The following TXNDC16 variants were observed in gnomAD, a reference collection of about 807,000 sequenced individuals.
TXNDC16 encodes thioredoxin domain containing 16.
Under a neutral mutation model 85.6 loss-of-function variants are expected in TXNDC16, and 74 were observed. That is an observed-to-expected ratio of 0.86 (90% CI 0.72 to 1.05). TXNDC16 has a LOEUF of 1.05. Ranked by LOEUF, TXNDC16 falls within the 50% of genes least tolerant of loss-of-function variation. TXNDC16 has a pLI of 0.00. For synonymous variants in TXNDC16, 335 were observed against 326.5 expected, an observed-to-expected ratio of 1.03 and a Z score of -0.28; for missense variants, 959 against 947.0, an observed-to-expected ratio of 1.01 and a Z score of -0.17.
intron 7 of TXNDC16, among the ~76,000 whole-genome samples, chr14:52,518,027 C>G (rs2037125472): frequency 2.0e-5 from 3 of 152,166 alleles, no homozygotes; most frequent in Admixed American, 2.0e-4. Context: ...GACGTTAAAT[C>G]AACCTTTCAG....
rs146313638 is a variant in TXNDC16 at position 52,492,100 on chromosome 14, G to GA, written c.757-1096dup. Among the ~76,000 whole-genome samples, 581 of 152,170 alleles carry GA rather than the reference G, an allele frequency of 3.8e-3. 1 individual carries two copies. Among genetic ancestry groups the GA allele is most frequent in the Non-Finnish European group, 6.4e-3 (432 of 67,996 alleles). On this transcript the variant is annotated intron_variant, in intron 9 of 20. Transcript: ENST00000281741. ...CCTAGATTCCCCTCCCCAACTCTAT[G>GA]AGTTTAAACAACTGTCACTTCCCTA...
intron 9 of TXNDC16, among the ~76,000 whole-genome samples, chr14:52,496,285 G>A (rs1158339344): frequency 2.0e-5 from 3 of 152,050 alleles, no homozygotes; most frequent in Non-Finnish European, 2.9e-5. Flanking sequence ...GCACACGATA[G>A]TCACTGGTCT....
chr14:52,520,903 T>C (rs1027141247), intron 6 of TXNDC16, among the ~76,000 whole-genome samples: 1 of 152,136 alleles, frequency 6.6e-6, no homozygotes, highest in Non-Finnish European at 1.5e-5. Flanking sequence ...CAGGAAACTT[T>C]TATATCCTTT....
intron 20 of TXNDC16, among the ~76,000 whole-genome samples, chr14:52,432,886 G>C (rs920704376): frequency 9.9e-5 from 15 of 152,086 alleles, no homozygotes; most frequent in Non-Finnish European, 1.9e-4. Context: ...CCTTTGCTAA[G>C]GTTTTCAAAA....
rs1237961380 is a variant in TXNDC16 at position 52,432,208 on chromosome 14, TAGTCTGC to T, written c.*89_*95del. ...ATATTATAATTCTATTGGATGGCAC[TAGTCTGC>T]AAACTTGAAATGATTTAATATTATT... On this transcript the variant is annotated 3_prime_UTR_variant, in exon 21 of 21. Coordinates refer to ENST00000281741, the MANE Select transcript of TXNDC16 (RefSeq NM_020784.3). 1 of 1,081,974 alleles carries T rather than the reference TAGTCTGC, an allele frequency of 9.2e-7. No homozygotes were observed. The highest frequency in any genetic ancestry group is 1.6e-5 in the African/African-American group (1 of 62,088). The allele number at this position is 1,081,974 out of a possible 1,614,324, so 67.0% of individuals were successfully genotyped here.
chr14:52,515,669 ATGTGTGTGTGTGTGTG>A (rs57407287), intron 7 of TXNDC16, among the ~76,000 whole-genome samples: 25 of 144,246 alleles, frequency 1.7e-4, no homozygotes, highest in African/African-American at 4.3e-4. Context: ...TTTCATACAT[ATGTGTGTGTGTGTGTG>A]TGTGTGTGTG....
Position 52,490,880 on chromosome 14 carries a change from A to T in TXNDC16, c.882T>A (p.Ala294=). The T allele has an allele frequency of 6.2e-7, 1 of 1,613,212 alleles. No homozygotes were observed. Reference sequence around the variant, plus strand: ...CTCCTGCTTTTCCCAGAAGACGCCAAGCAACCCATTCTGCAGTTCTTCTAT... The same window carrying T: ...CTCCTGCTTTTCCCAGAAGACGCCATGCAACCCATTCTGCAGTTCTTCTAT... ...EADRRTAEWV[A]WRLLGKAGVL... is the part of the protein sequence containing the mutation. The change falls in exon 10 of 21, where the codon GCT becomes GCA. Residue 294 remains alanine (A), a synonymous_variant. Transcript: ENST00000281741.
rs759946432 is a variant in TXNDC16, at chr14:52,514,999, AC to A, written c.515-30del. ...AAGAAGAGATAAAGGGAGTTGGAAGACAGGAAAAAATAGTTTGTGTGACTCT... is the reference window on the plus strand; with the variant it reads ...AAGAAGAGATAAAGGGAGTTGGAAGAAGGAAAAAATAGTTTGTGTGACTCT... On this transcript the variant is annotated intron_variant, in intron 7 of 20. Transcript: ENST00000281741. 24 of 1,555,584 alleles carry A rather than the reference AC, an allele frequency of 1.5e-5. No individual in the cohort carries two copies. In the East Asian group the frequency reaches 4.9e-4, roughly 32 times the overall value.
chr14:52,488,373 A>G lies in TXNDC16; in HGVS notation c.1098T>C (p.Gly366=). ...IQEDEDNDME[G]PDIDVQDDEV... ...ATCATAACACATTACCTATATCTGG[A>G]CCTTCCATGTCATTGTCTTCATCTT... The change falls in exon 12 of 21, where the codon GGT becomes GGC. Residue 366 remains glycine, a synonymous_variant. Coordinates refer to ENST00000281741, the MANE Select transcript of TXNDC16 (RefSeq NM_020784.3). 1 of 1,613,504 alleles carries G rather than the reference A, an allele frequency of 6.2e-7. No individual in the cohort carries two copies. The highest frequency in any genetic ancestry group is 8.5e-7 in the Non-Finnish European group (1 of 1,179,638).
At chr14:52,530,326 T>TAA in intron 6 of TXNDC16, among the ~76,000 whole-genome samples, 1 of 47,640 alleles carries the variant, frequency 2.1e-5, no homozygotes, top group South Asian at 1.0e-3. Context: ...ATAATTATTT[T>TAA]TATATTATAT....
At chr14:52,449,909 C>T (rs1011562208) in intron 18 of TXNDC16, among the ~76,000 whole-genome samples, 5 of 151,280 alleles carry the variant, frequency 3.3e-5, no homozygotes, top group Non-Finnish European at 7.4e-5. Context: ...GGAAAAAAAC[C>T]ATACCCAAAC....
intron 5 of TXNDC16, 44 bp from the exon 6 acceptor site, chr14:52,536,837 A>T: frequency 6.8e-7 from 1 of 1,463,200 alleles, no homozygotes; most frequent in East Asian, 2.5e-5. Flanking sequence ...AAATACAAAA[A>T]ATATTTCCTT....
At chr14:52,459,349 T>C (rs2035603673) in intron 16 of TXNDC16, among the ~76,000 whole-genome samples, 1 of 152,000 alleles carries the variant, frequency 6.6e-6, no homozygotes, top group Non-Finnish European at 1.5e-5. Flanking sequence ...CCTGGACACA[T>C]ACACACTACC....
rs1353623307 is a variant in TXNDC16, at chr14:52,482,295, T to C, written c.1253-6A>G. ...TGCCATGGATACTGCTTGCCCTATA[T>C]GAAAATTAAAAATTCAACAGATATT... is the stretch of plus-strand genomic sequence containing the variant. On this transcript the variant is annotated splice_polypyrimidine_tract_variant and splice_region_variant and intron_variant, in intron 13 of 20. Coordinates refer to ENST00000281741, the MANE Select transcript of TXNDC16 (RefSeq NM_020784.3). The C allele has an allele frequency of 2.2e-5, 35 of 1,609,780 alleles. No individual in the cohort carries two copies. The highest frequency in any genetic ancestry group is 3.0e-5 in the Non-Finnish European group (35 of 1,178,204).
In TXNDC16 at chr14:52,490,963, G is replaced by A. The variant is rs771313874; in HGVS notation, c.799C>T (p.Leu267Phe). 18 of 1,591,816 alleles carry A rather than the reference G, an allele frequency of 1.1e-5. No homozygotes were observed. Among genetic ancestry groups the A allele is most frequent in the Non-Finnish European group, 1.5e-5 (17 of 1,169,284 alleles). ...AAAACCAGTGGTAAGCCCAGTTGGA[G>A]ATGGACAGTTGAAACTTGTTGAGGA... ...EDPQQVSTVHLQLGLPLVFIV... is the reference protein window; with the variant it reads ...EDPQQVSTVHFQLGLPLVFIV... Residue 267 changes from leucine to phenylalanine, a missense_variant, in exon 10 of 21, where the codon CTC becomes TTC. Leu to Phe is a conservative substitution (Grantham distance 22). Transcript: ENST00000281741.
At chr14:52,487,036 T>C (rs2036287980) in intron 12 of TXNDC16, among the ~76,000 whole-genome samples, 1 of 152,070 alleles carries the variant, frequency 6.6e-6, no homozygotes, top group Non-Finnish European at 1.5e-5. Context: ...GGAAACAATA[T>C]AGAGGCTGTG....
intron 6 of TXNDC16, among the ~76,000 whole-genome samples, chr14:52,524,632 C>G (rs1044722288): frequency 6.0e-4 from 91 of 152,204 alleles, no homozygotes; most frequent in Middle Eastern, 3.4e-3. Context: ...ACTAGGACAA[C>G]AGGCACACAT....
rs149854664 is a variant in TXNDC16 at position 52,548,432 on chromosome 14, T to C, written c.-182+3884A>G. ...TCCTGTAGATAATCACAAGAAACAC[T>C]GCGCCTGGGGTGTGACTGGCCTTAG... On this transcript the variant is annotated intron_variant, in intron 1 of 20. Transcript: ENST00000281741. Among the ~76,000 whole-genome samples the C allele has an allele frequency of 2.6e-3, 397 of 152,240 alleles. 14 individuals carry two copies. The South Asian group carries it at 0.056, about 21-fold the overall frequency.
At chr14:52,455,502 T>C in intron 17 of TXNDC16, 40 bp from the exon 18 acceptor site, 1 of 1,609,376 alleles carries the variant, frequency 6.2e-7, no homozygotes, top group South Asian at 1.1e-5. Flanking sequence ...GATCAAAATC[T>C]AGCATGTCAA....
Sources: allele counts gnomAD v4.1 joint callset (sites outside exome capture counted in the v4.1 genomes callset), GRCh38; gene constraint gnomAD v4.1.1; transcripts MANE v1.5; gene names NCBI Gene and HGNC (gene_info 2026-07-23, HGNC 2026-07-21).